Variants in DYNC2H1 observed in about 807,000 individuals in gnomAD.
DYNC2H1 encodes dynein cytoplasmic 2 heavy chain 1.
Under a neutral mutation model 570.0 loss-of-function variants are expected in DYNC2H1, and 410 were observed. The observed-to-expected ratio is 0.72, with a 90% CI of 0.66 to 0.78. The LOEUF is 0.78. Among genes scored for constraint, DYNC2H1 ranks in the 30% least tolerant of loss-of-function variants. The pLI is 0.00. For missense variants in DYNC2H1, 4,865 were observed against 5,046.4 expected (o/e 0.96, Z 1.09); for synonymous variants, 1,688 against 1,677.6 (o/e 1.01, Z -0.15).
intron 82 of DYNC2H1, among the ~76,000 whole-genome samples, chr11:103,347,457 G>C (rs1328987982): frequency 1.3e-5 from 2 of 151,874 alleles, no homozygotes; most frequent in East Asian, 3.9e-4. Context: ...TACATACTGA[G>C]TATGTAGGAA....
intron 38 of DYNC2H1, among the ~76,000 whole-genome samples, chr11:103,178,417 A>G (rs904569202): frequency 6.6e-6 from 1 of 152,076 alleles, no homozygotes; most frequent in African/African-American, 2.4e-5. Flanking sequence ...TTTCTATATA[A>G]TACCACATTA....
rs1275016875 is a variant in DYNC2H1, at chr11:103,243,112, A to T, written c.9820-581A>T. ...CCCATGTAATTTTCTCTTCCAGGAT[A>T]CTCCTTTAGTAATATTGGATATATA... On this transcript the variant is annotated intron_variant, in intron 63 of 88. Coordinates refer to ENST00000375735, the MANE Select transcript of DYNC2H1 (RefSeq NM_001377.3). This position sits in a 1 kb window ranked among gnomAD's most constrained non-coding sequence, Gnocchi z 4.8. 6.6e-6 allele frequency among the ~76,000 whole-genome samples: 1 copy of T among 151,916 alleles called. No homozygotes were observed. The highest frequency in any genetic ancestry group is 1.5e-5 in the Non-Finnish European group (1 of 67,988).
rs1941041597 is a variant in DYNC2H1 at position 103,369,195 on chromosome 11, GA to G, written c.12156+10838del. 6.6e-6 allele frequency among the ~76,000 whole-genome samples: 1 copy of G among 152,142 alleles called. No individual in the cohort carries two copies. Among genetic ancestry groups the G allele is most frequent in the Non-Finnish European group, 1.5e-5 (1 of 68,034 alleles). ...GAGATTGCAGCATTTGTGAGGCACT[GA>G]ACCCAGTGCTGCCCTATTATAACAG... On this transcript the variant is annotated intron_variant, in intron 83 of 88. Transcript: ENST00000375735. The surrounding 1 kb of genome is among the most constrained non-coding windows in gnomAD (Gnocchi z 4.0).
rs1864587370 is a variant in DYNC2H1, at chr11:103,245,685, A to C, written c.10042+311A>C. Among the ~76,000 whole-genome samples the C allele has an allele frequency of 6.6e-6, 1 of 152,142 alleles. No individual in the cohort carries two copies. The highest frequency in any genetic ancestry group is 1.5e-5 in the Non-Finnish European group (1 of 68,006). On this transcript the variant is annotated intron_variant, in intron 65 of 88. Transcript: ENST00000375735. The surrounding 1 kb of genome is among the most constrained non-coding windows in gnomAD (Gnocchi z 4.5). Reference sequence around the variant, plus strand: ...CATAAACCATATTGTTTGTACAAACAGTTTAGGCACAGTGAGCCACTTTTT... The same window carrying C: ...CATAAACCATATTGTTTGTACAAACCGTTTAGGCACAGTGAGCCACTTTTT...
intron 70 of DYNC2H1, among the ~76,000 whole-genome samples, chr11:103,273,637 G>A (rs1865793186): frequency 6.6e-6 from 1 of 151,980 alleles, no homozygotes; most frequent in Admixed American, 6.6e-5. Context: ...TAATGTTATT[G>A]TTAAATACTT....
chr11:103,478,762 A>T (rs180927818), intron 88 of DYNC2H1, among the ~76,000 whole-genome samples: 6 of 152,272 alleles, frequency 3.9e-5, no homozygotes, highest in Admixed American at 1.3e-4. Flanking sequence ...TGGATGTGTG[A>T]TGATATTAAG....
At chr11:103,425,029 G>A (rs1305992244) in intron 84 of DYNC2H1, among the ~76,000 whole-genome samples, 1 of 152,154 alleles carries the variant, frequency 6.6e-6, no homozygotes, top group Non-Finnish European at 1.5e-5. Flanking sequence ...TCCAACTCCT[G>A]AGCTCAATAG....
At chr11:103,302,659 G>T (rs148921794) in intron 75 of DYNC2H1, among the ~76,000 whole-genome samples, 1 of 151,956 alleles carries the variant, frequency 6.6e-6, no homozygotes, top group Non-Finnish European at 1.5e-5. Flanking sequence ...CCCCATATGC[G>T]TGACACAGAG....
intron 19 of DYNC2H1, among the ~76,000 whole-genome samples, chr11:103,148,124 GAT>G (rs1252514282): frequency 2.6e-5 from 4 of 152,090 alleles, no homozygotes; most frequent in African/African-American, 7.2e-5. Context: ...AGATAATTCT[GAT>G]ATAATGTATT....
chr11:103,316,003 TTA>T (rs1257051153), intron 79 of DYNC2H1, among the ~76,000 whole-genome samples: 11 of 152,182 alleles, frequency 7.2e-5, no homozygotes, highest in South Asian at 2.1e-4. Context: ...AGAAATTATT[TTA>T]TGTTTCAATT....
At chr11:103,429,347 A>G (rs1943804596) in intron 84 of DYNC2H1, among the ~76,000 whole-genome samples, 1 of 152,186 alleles carries the variant, frequency 6.6e-6, no homozygotes, top group Non-Finnish European at 1.5e-5. Flanking sequence ...GGAAAACATA[A>G]AATAGATTCA....
chr11:103,282,273 T>A (rs761769902), intron 72 of DYNC2H1, 44 bp downstream of exon 72: 54 of 1,577,858 alleles, frequency 3.4e-5, no homozygotes, highest in African/African-American at 6.8e-5. Flanking sequence ...AAAGAAAATA[T>A]TTCTGGCTTT....
chr11:103,376,642 T>A (rs967277260), intron 83 of DYNC2H1, among the ~76,000 whole-genome samples: 1 of 152,238 alleles, frequency 6.6e-6, no homozygotes, highest in African/African-American at 2.4e-5. Flanking sequence ...GTATGATGGG[T>A]TCCTTAGCCA....
At chr11:103,282,117 G>A (rs1866163221) in intron 71 of DYNC2H1, 62 bp from the exon 72 acceptor site, 2 of 1,503,054 alleles carry the variant, frequency 1.3e-6, no homozygotes, top group Non-Finnish European at 1.8e-6. Flanking sequence ...AGGAAAGTTA[G>A]ACAATTTTGT....
intron 1 of DYNC2H1, 68 bp from the exon 2 acceptor site, chr11:103,113,469 C>T: frequency 7.7e-7 from 1 of 1,290,636 alleles, no homozygotes; most frequent in Non-Finnish European, 1.0e-6. Context: ...AGTGATAGAA[C>T]TTTGTCTACA....
intron 18 of DYNC2H1, among the ~76,000 whole-genome samples, chr11:103,144,250 A>C (rs1860118720): frequency 2.6e-5 from 4 of 152,364 alleles, no homozygotes; most frequent in Admixed American, 1.3e-4. Context: ...TAGCTTTAAA[A>C]TATTAGCAAC....
chr11:103,135,830 C>G lies in DYNC2H1; in HGVS notation c.2456C>G (p.Ala819Gly), dbSNP rs368685390. Residue 819 changes from alanine (A) to glycine (G), a missense_variant, in exon 17 of 89, where the codon GCA (alanine) becomes GGA (glycine). By Grantham distance (60) the Ala-to-Gly change is moderately conservative. Coordinates refer to ENST00000375735, the MANE Select transcript of DYNC2H1 (RefSeq NM_001377.3). Reference protein sequence around the residue: ...IPNQFKGVGEAGDESIFSIMI... With the variant: ...IPNQFKGVGEGGDESIFSIMI... ...AATCAGTTTAAGGGAGTGGGTGAGG[C>G]AGGAGATGAATCTATTTTTTCTATT... The G allele has an allele frequency of 1.2e-6, 2 of 1,612,976 alleles. No individual in the cohort carries two copies. Among genetic ancestry groups the G allele is most frequent in the African/African-American group, 2.7e-5 (2 of 74,878 alleles).
chr11:103,248,378 A>G (rs1447783977), intron 65 of DYNC2H1, among the ~76,000 whole-genome samples: 2 of 152,050 alleles, frequency 1.3e-5, no homozygotes, highest in Non-Finnish European at 2.9e-5. Context: ...AGTTGATAAT[A>G]TATTTCTGAA....
rs990721115 is a variant in DYNC2H1 at position 103,275,730 on chromosome 11, A to T, written c.10696-4618A>T. Among the ~76,000 whole-genome samples the T allele has an allele frequency of 2.0e-5, 3 of 151,964 alleles. No individual in the cohort carries two copies. Among genetic ancestry groups the T allele is most frequent in the South Asian group, 2.1e-4 (1 of 4,812 alleles). On this transcript the variant is annotated intron_variant, in intron 70 of 88. Transcript: ENST00000375735. This position sits in a 1 kb window ranked among gnomAD's most constrained non-coding sequence, Gnocchi z 4.8. ...TTTTAATGTTGATTAAAATTCCTTT[A>T]TCTGGAGGACCACAGTTTATCCATT... is the stretch of plus-strand genomic sequence containing the variant.
Sources: allele counts gnomAD v4.1 joint callset (sites outside exome capture counted in the v4.1 genomes callset), GRCh38; gene constraint gnomAD v4.1.1; non-coding constraint Gnocchi (gnomAD v3.1); transcripts MANE v1.5; gene names NCBI Gene and HGNC (gene_info 2026-07-23, HGNC 2026-07-21).